Variants in LTBP1 observed in about 807,000 individuals in gnomAD.
LTBP1 encodes the protein latent-transforming growth factor beta-binding protein 1.
Under a neutral mutation model 207.6 loss-of-function variants are expected in LTBP1, and 129 were observed. The ratio of observed to expected loss-of-function variants is 0.62; its 90% CI spans 0.54 to 0.72. The LOEUF (loss-of-function observed/expected upper bound fraction) is 0.72, where lower values mean the gene tolerates loss of function less well. Among genes scored for constraint, LTBP1 ranks in the 30% least tolerant of loss-of-function variants. The pLI, the probability that LTBP1 is intolerant of heterozygous loss-of-function variation, is 0.00. For synonymous variants in LTBP1, 963 were observed against 833.7 expected (o/e 1.16, Z -2.67); for missense variants, 2,281 against 2,217.2 (o/e 1.03, Z -0.58).
intron 2 of LTBP1, among the ~76,000 whole-genome samples, chr2:33,003,060 C>T (rs1460502818): frequency 1.3e-5 from 2 of 152,204 alleles, no homozygotes; most frequent in African/African-American, 4.8e-5. Flanking sequence ...GCAATGTTGG[C>T]AGGCTTCCTG....
At chr2:33,139,065 A>G (rs2082415822) in intron 5 of LTBP1, among the ~76,000 whole-genome samples, 1 of 151,420 alleles carries the variant, frequency 6.6e-6, no homozygotes, top group African/African-American at 2.4e-5. Context: ...TCACCGTGTT[A>G]GCCAGGATGG....
At position 33,141,291 on chromosome 2, in the gene LTBP1, G is replaced by T. The variant is rs972160975; in HGVS notation, c.1201+6331G>T. ...GTGGTTGCCAGGGGTCACCCGGGTG[G>T]AATGGGGAGTTGTTTAATGGGTATA... On this transcript the variant is annotated intron_variant, in intron 5 of 33. Transcript: ENST00000404816. Among the ~76,000 whole-genome samples the T allele has an allele frequency of 2.0e-5, 3 of 152,208 alleles. No individual in the cohort carries two copies. The East Asian group carries it at 5.8e-4, about 29-fold the overall frequency.
intron 7 of LTBP1, among the ~76,000 whole-genome samples, 192 bp downstream of exon 7, chr2:33,189,043 A>G (rs1434636366): frequency 1.3e-5 from 2 of 152,206 alleles, no homozygotes; most frequent in Non-Finnish European, 2.9e-5. Context: ...CATACTGTCT[A>G]TGCCCATTTT....
chr2:33,143,078 A>G (rs943126038), intron 5 of LTBP1, among the ~76,000 whole-genome samples: 1 of 152,142 alleles, frequency 6.6e-6, no homozygotes, highest in Non-Finnish European at 1.5e-5. Flanking sequence ...CTCCAGGGAT[A>G]CCAAAGGTCC....
chr2:33,275,839 G>A lies in LTBP1; in HGVS notation c.2908G>A (p.Gly970Arg), dbSNP rs1243061827. 6 of 1,613,916 alleles carry A rather than the reference G, an allele frequency of 3.7e-6. No homozygotes were observed. Among genetic ancestry groups the A allele is most frequent in the Non-Finnish European group, 5.1e-6 (6 of 1,179,942 alleles). Residue 970 changes from glycine (G) to arginine (R), a missense_variant, in exon 18 of 34, where the codon GGG becomes AGG. This residue lies in a region of LTBP1 where 1,671 missense variants were observed against 1,634.8 expected (regional missense o/e 1.02). Coordinates refer to ENST00000404816, the MANE Select transcript of LTBP1 (RefSeq NM_206943.4). ...ECLRPDVCGE[G>R]HCVNTVGAFR... ...CCTGAGGCCGGACGTCTGTGGGGAG[G>A]GGCACTGTGTCAATACTGTGGGGGC...
At chr2:33,199,963 A>G (rs1180974032) in intron 7 of LTBP1, among the ~76,000 whole-genome samples, 2 of 152,192 alleles carry the variant, frequency 1.3e-5, no homozygotes, top group Non-Finnish European at 2.9e-5. Context: ...CCACTGCTCA[A>G]TGAAATAAAA....
chr2:33,365,894 A>G (rs553328299), intron 31 of LTBP1, among the ~76,000 whole-genome samples: 7 of 152,334 alleles, frequency 4.6e-5, no homozygotes, highest in Admixed American at 3.3e-4. Context: ...GTAGAAAATC[A>G]TTCTAGGTCA....
intron 2 of LTBP1, among the ~76,000 whole-genome samples, chr2:32,958,681 T>C (rs1044742987): frequency 5.3e-5 from 8 of 152,238 alleles, no homozygotes; most frequent in Admixed American, 5.2e-4. Context: ...CTAAATACTA[T>C]AGAAAGAATT....
intron 24 of LTBP1, among the ~76,000 whole-genome samples, chr2:33,324,377 G>GGTAT (rs753544732): frequency 0.016 from 2,356 of 150,896 alleles, 28 homozygotes; most frequent in African/African-American, 0.043. Flanking sequence ...CTTTATCATA[G>GGTAT]GTATGTATGT....
chr2:33,139,997 G>A (rs2082509683), intron 5 of LTBP1, among the ~76,000 whole-genome samples: 1 of 152,190 alleles, frequency 6.6e-6, no homozygotes, highest in Non-Finnish European at 1.5e-5. Flanking sequence ...TTGAAGAAGA[G>A]AGAAGTGCTT....
At position 33,280,100 on chromosome 2, in the gene LTBP1, A is replaced by G. The variant is rs760668785; in HGVS notation, c.3054A>G (p.Gly1018=). The stretch of plus-strand genomic sequence containing the variant: ...ATGAGCAGTGTGTGAATTCTCCTGG[A>G]TCTTACCAGTGCGTTCCCTGCACAG... ...CPDEQCVNSP[G]SYQCVPCTEG... The change falls in exon 19 of 34, where the codon GGA becomes GGG. Residue 1018 remains glycine (G), a synonymous_variant. Transcript: ENST00000404816. 4 of 1,614,010 alleles carry G rather than the reference A, an allele frequency of 2.5e-6. No homozygotes were observed. The highest frequency in any genetic ancestry group is 3.4e-6 in the Non-Finnish European group (4 of 1,179,990).
At chr2:33,347,328 G>A (rs746123606) in intron 25 of LTBP1, 39 bp from the exon 26 acceptor site, 4 of 1,613,012 alleles carry the variant, frequency 2.5e-6, no homozygotes, top group South Asian at 1.1e-5. Context: ...TGTCGTGAAT[G>A]AGGCACACAT....
intron 3 of LTBP1, among the ~76,000 whole-genome samples, chr2:33,078,857 C>CCTT (rs2078228023): frequency 1.1e-5 from 1 of 92,158 alleles, no homozygotes; most frequent in African/African-American, 3.2e-5. Context: ...CTTTTCTTTT[C>CCTT]TTTTCTTTTT....
At chr2:33,365,574 G>A (rs960102573) in intron 31 of LTBP1, 71 bp downstream of exon 31, 4 of 1,461,250 alleles carry the variant, frequency 2.7e-6, no homozygotes, top group Non-Finnish European at 3.8e-6. Context: ...TTTGTAGCCT[G>A]ACATTTCTCT....
intron 4 of LTBP1, among the ~76,000 whole-genome samples, chr2:33,118,621 C>T (rs1428641826): frequency 6.6e-6 from 1 of 152,172 alleles, no homozygotes; most frequent in African/African-American, 2.4e-5. Flanking sequence ...TAACCATGTA[C>T]AGACTGACAC....
intron 5 of LTBP1, among the ~76,000 whole-genome samples, chr2:33,150,704 C>CTTTTTTTTTTTTTTTTT (rs1211013076): frequency 6.4e-5 from 7 of 108,836 alleles, no homozygotes; most frequent in African/African-American, 1.8e-4. Context: ...TTTCTTTTTT[C>CTTTTTTTTTTTTTTTTT]TTTTTCTTTT....
chr2:33,275,117 A>G, intron 17 of LTBP1, 27 bp downstream of exon 17: 2 of 1,612,064 alleles, frequency 1.2e-6, no homozygotes, highest in East Asian at 4.5e-5. Flanking sequence ...TCCTGCTTAC[A>G]AATTCTTAGA....
intron 2 of LTBP1, among the ~76,000 whole-genome samples, chr2:33,015,949 C>T (rs1366040654): frequency 1.3e-5 from 2 of 152,134 alleles, no homozygotes; most frequent in Admixed American, 1.3e-4. Flanking sequence ...TGGTGCTAAC[C>T]CATTAATGAG....
At chr2:33,317,428 T>C (rs1168519535) in intron 24 of LTBP1, among the ~76,000 whole-genome samples, 1 of 152,244 alleles carries the variant, frequency 6.6e-6, no homozygotes, top group East Asian at 1.9e-4. Flanking sequence ...TGCATGAATT[T>C]TATTTTTTAT....
Sources: allele counts gnomAD v4.1 joint callset (sites outside exome capture counted in the v4.1 genomes callset), GRCh38; gene constraint gnomAD v4.1.1; regional missense constraint gnomAD v4.1.1; transcripts MANE v1.5; gene names NCBI Gene and HGNC (gene_info 2026-07-23, HGNC 2026-07-21).